FBXO4: variants seen among roughly 807,000 people sequenced by gnomAD.
The protein encoded by FBXO4 is F-box protein 4.
FBXO4 carries 36 observed loss-of-function variants against 43.7 expected under a neutral mutation model. That is an observed-to-expected ratio of 0.82 (90% CI 0.63 to 1.09). The LOEUF is 1.09. Among genes scored for constraint, FBXO4 ranks in the 50% least tolerant of loss-of-function variants. The probability of loss-of-function intolerance (pLI) is 0.00; values close to 1 mark genes in which losing one functional copy is unlikely to be tolerated. For synonymous variants in FBXO4, 180 were observed against 165.6 expected (o/e 1.09, Z -0.67); for missense variants, 435 against 474.1 (o/e 0.92, Z 0.77).
At chr5:42,025,820 C>T in the FBXO4 span, among the ~76,000 whole-genome samples, 161 of 151,898 alleles carry the variant, frequency 1.1e-3, no homozygotes, top group African/African-American at 3.5e-3. Context: ...AGTATTTGTT[C>T]TTGGCATCTG....
chr5:41,996,784 C>T, the FBXO4 span, among the ~76,000 whole-genome samples: 1 of 152,138 alleles, frequency 6.6e-6, no homozygotes, highest in African/African-American at 2.4e-5. Flanking sequence ...GAAAGAATAC[C>T]TCAGCAGGCC....
chr5:42,023,410 A>G, the FBXO4 span, among the ~76,000 whole-genome samples: 1 of 152,046 alleles, frequency 6.6e-6, no homozygotes, highest in Non-Finnish European at 1.5e-5. Flanking sequence ...CACAACCATC[A>G]CAGGGTTTGG....
chr5:41,944,699 G>A (rs552411425), downstream of FBXO4, among the ~76,000 whole-genome samples: 2 of 152,254 alleles, frequency 1.3e-5, no homozygotes, highest in African/African-American at 4.8e-5. Context: ...CTATATATAT[G>A]CCAGGTCTTG....
At chr5:41,964,492 A>G in the FBXO4 span, among the ~76,000 whole-genome samples, 4 of 152,114 alleles carry the variant, frequency 2.6e-5, no homozygotes, top group African/African-American at 9.7e-5. Flanking sequence ...GGAAAAGACA[A>G]CAGGATACAT....
At chr5:41,975,820 A>G in the FBXO4 span, among the ~76,000 whole-genome samples, 99 of 152,320 alleles carry the variant, frequency 6.5e-4, 1 homozygote, top group East Asian at 0.017. Flanking sequence ...TTGCATTGTT[A>G]TAAAAGAATA....
the FBXO4 span, among the ~76,000 whole-genome samples, chr5:41,993,054 CCCTTTTT>C: frequency 6.6e-6 from 1 of 152,046 alleles, no homozygotes; most frequent in Non-Finnish European, 1.5e-5. Flanking sequence ...ATATTGTAAA[CCCTTTTT>C]AATAGACTGA....
At chr5:41,961,446 G>T in the FBXO4 span, among the ~76,000 whole-genome samples, 4 of 152,276 alleles carry the variant, frequency 2.6e-5, no homozygotes, top group South Asian at 4.1e-4. Context: ...AGCATGCCTG[G>T]AGGGACTATG....
the FBXO4 span, among the ~76,000 whole-genome samples, chr5:42,002,372 TA>T: frequency 1.3e-5 from 2 of 152,210 alleles, no homozygotes; most frequent in Non-Finnish European, 2.9e-5. Flanking sequence ...GATCCTAACC[TA>T]ACCTTGCTAT....
the FBXO4 span, among the ~76,000 whole-genome samples, chr5:42,003,395 T>C: frequency 1.3e-5 from 2 of 152,292 alleles, no homozygotes; most frequent in Admixed American, 6.5e-5. Flanking sequence ...CAAATGAAAA[T>C]GTGGTACTGT....
chr5:41,951,406 G>C, the FBXO4 span: 1 of 235,028 alleles, frequency 4.3e-6, no homozygotes, highest in Non-Finnish European at 8.3e-6. Flanking sequence ...GTGTTCAGTA[G>C]GTAACTGCTG....
At chr5:42,005,986 C>G in the FBXO4 span, among the ~76,000 whole-genome samples, 2 of 152,130 alleles carry the variant, frequency 1.3e-5, no homozygotes, top group Non-Finnish European at 2.9e-5. Flanking sequence ...CTCTTCCCCT[C>G]TTTCCATATT....
At chr5:41,963,745 AG>A in the FBXO4 span, 2 of 152,200 alleles carry the variant, frequency 1.3e-5, no homozygotes, top group South Asian at 4.1e-4. Flanking sequence ...AGGAAGAGGA[AG>A]GGTTGGTCTT....
the FBXO4 span, among the ~76,000 whole-genome samples, chr5:42,019,482 A>C: frequency 6.6e-6 from 1 of 152,176 alleles, no homozygotes; most frequent in Admixed American, 6.5e-5. Context: ...TGAGGTCAAG[A>C]GTTTGAGACC....
At chr5:41,953,523 G>A in the FBXO4 span, among the ~76,000 whole-genome samples, 1 of 151,932 alleles carries the variant, frequency 6.6e-6, no homozygotes, top group African/African-American at 2.4e-5. Flanking sequence ...GTAATGGGAT[G>A]GCTGGGTCAA....
At chr5:41,930,180 G>C in intron 3 of FBXO4, 1 of 385,514 alleles carries the variant, frequency 2.6e-6, no homozygotes, top group Non-Finnish European at 4.6e-6. Flanking sequence ...TGTTGCATTT[G>C]TACAGTGGGA....
At chr5:41,966,908 G>C in the FBXO4 span, among the ~76,000 whole-genome samples, 3 of 152,112 alleles carry the variant, frequency 2.0e-5, no homozygotes, top group Non-Finnish European at 2.9e-5. Context: ...TAGTCACAAG[G>C]TTAATGGCTG....
At chr5:42,029,206 CT>C in the FBXO4 span, among the ~76,000 whole-genome samples, 2 of 151,966 alleles carry the variant, frequency 1.3e-5, no homozygotes, top group African/African-American at 4.8e-5. Flanking sequence ...AATATTTTCA[CT>C]GGATATACTA....
In FBXO4 at chr5:41,929,711, G is replaced by A; in HGVS notation, c.440G>A (p.Cys147Tyr). Reference sequence around the variant, plus strand: ...ATTTTTTACAGCTATAGAATGTGCTGTCCATACACAAGAAGAGCTTCAAAA... The same window carrying A: ...ATTTTTTACAGCTATAGAATGTGCTATCCATACACAAGAAGAGCTTCAAAA... The part of the protein sequence containing the change: ...FDYMAVYRMC[C>Y]PYTRRASKSS... The change falls in exon 3 of 7, where the codon TGT (cysteine) becomes TAT (tyrosine). Residue 147 changes from cysteine (C) to tyrosine (Y), a missense_variant. Transcript: ENST00000281623. 3.1e-6 allele frequency: 5 copies of A among 1,609,108 alleles called. No individual in the cohort carries two copies. Among genetic ancestry groups the A allele is most frequent in the Non-Finnish European group, 3.4e-6 (4 of 1,177,926 alleles).
the FBXO4 span, among the ~76,000 whole-genome samples, chr5:41,964,472 A>C: frequency 6.6e-6 from 1 of 152,148 alleles, no homozygotes. Flanking sequence ...CAAACTCTTA[A>C]AAATATTTTG....
Sources: allele counts gnomAD v4.1 joint callset (sites outside exome capture counted in the v4.1 genomes callset), GRCh38; gene constraint gnomAD v4.1.1; transcripts MANE v1.5; gene names NCBI Gene and HGNC (gene_info 2026-07-23, HGNC 2026-07-21).